The following MAMDC2 variants were observed in gnomAD, a reference collection of about 807,000 sequenced individuals.
MAMDC2 encodes MAM domain containing 2.
Under a neutral mutation model 89.8 loss-of-function variants are expected in MAMDC2, and 57 were observed. The observed-to-expected ratio is 0.63, with a 90% confidence interval of 0.51 to 0.79. MAMDC2 has a LOEUF of 0.79. Ranked by LOEUF, MAMDC2 falls within the 30% of genes least tolerant of loss-of-function variation. MAMDC2 has a pLI of 0.00. For synonymous variants in MAMDC2, 313 were observed against 293.4 expected (o/e 1.07, Z -0.68); for missense variants, 800 against 820.6 (o/e 0.97, Z 0.31).
At chr9:70,172,388 G>A (rs1404518435) in intron 11 of MAMDC2, among the ~76,000 whole-genome samples, 2 of 152,178 alleles carry the variant, frequency 1.3e-5, no homozygotes, top group Non-Finnish European at 2.9e-5. Context: ...AAAATATTTG[G>A]TGCTATTTAA....
At position 70,147,054 on chromosome 9, in the gene MAMDC2, G is replaced by A. The variant is rs2031428216; in HGVS notation, c.1404+3235G>A. On this transcript the variant is annotated intron_variant, in intron 9 of 13. Transcript: ENST00000377182. ...GCATATCACCTGTGGTCAGGAGTTCGAGACCAGCCTGGCCAACATGGTGAA... is the reference window on the plus strand; with the variant it reads ...GCATATCACCTGTGGTCAGGAGTTCAAGACCAGCCTGGCCAACATGGTGAA... Among the ~76,000 whole-genome samples, 8 of 149,858 alleles carry A rather than the reference G, an allele frequency of 5.3e-5. 2 individuals are homozygous for A. Among genetic ancestry groups the A allele is most frequent in the South Asian group, 2.2e-4 (1 of 4,646 alleles).
intron 9 of MAMDC2, among the ~76,000 whole-genome samples, chr9:70,156,704 C>T (rs919870176): frequency 6.6e-6 from 1 of 152,134 alleles, no homozygotes; most frequent in African/African-American, 2.4e-5. Flanking sequence ...GAATAAGGAG[C>T]TAAGTATGGA....
chr9:70,165,965 T>G (rs2032157173), intron 9 of MAMDC2, among the ~76,000 whole-genome samples: 1 of 152,028 alleles, frequency 6.6e-6, no homozygotes, highest in Non-Finnish European at 1.5e-5. Flanking sequence ...AAAGGCTGGG[T>G]GAGGTGGCTC....
At chr9:70,133,292 A>C (rs776225995) in intron 7 of MAMDC2, among the ~76,000 whole-genome samples, 1 of 152,228 alleles carries the variant, frequency 6.6e-6, no homozygotes, top group Non-Finnish European at 1.5e-5. Flanking sequence ...AATCACCCAC[A>C]AGTAATGTTC....
At chr9:70,078,972 T>C (rs1827596935) in intron 2 of MAMDC2, among the ~76,000 whole-genome samples, 1 of 152,170 alleles carries the variant, frequency 6.6e-6, no homozygotes, top group Non-Finnish European at 1.5e-5. Flanking sequence ...AAACCCAGCC[T>C]GCTTCAGGTG....
chr9:70,177,062 A>G (rs1397769007), intron 11 of MAMDC2, among the ~76,000 whole-genome samples: 1 of 152,164 alleles, frequency 6.6e-6, no homozygotes. Flanking sequence ...ATTGTTCTCA[A>G]TTTCACAGAC....
chr9:70,198,544 T>A (rs1473616807), intron 11 of MAMDC2, among the ~76,000 whole-genome samples: 2 of 152,096 alleles, frequency 1.3e-5, no homozygotes, highest in Admixed American at 6.6e-5. Context: ...TGTCTTCAAC[T>A]ATTTTCTCCC....
chr9:70,203,343 G>C (rs2033147409), intron 11 of MAMDC2, among the ~76,000 whole-genome samples: 1 of 145,066 alleles, frequency 6.9e-6, no homozygotes, highest in Non-Finnish European at 1.5e-5. Context: ...ATGAAATTCT[G>C]GGTTGAAAAT....
At chr9:70,206,712 G>T (rs186455134) in intron 11 of MAMDC2, among the ~76,000 whole-genome samples, 1 of 152,152 alleles carries the variant, frequency 6.6e-6, no homozygotes, top group East Asian at 1.9e-4. Context: ...CATGTGCCAT[G>T]TTGGTGTGCT....
intron 11 of MAMDC2, chr9:70,194,471 G>A (rs1200217951): frequency 6.6e-6 from 1 of 152,118 alleles, no homozygotes; most frequent in Non-Finnish European, 1.5e-5. Context: ...TGAAGACATA[G>A]CGTTCCTCCC....
chr9:70,203,501 T>C (rs1463762395), intron 11 of MAMDC2, among the ~76,000 whole-genome samples: 3 of 140,086 alleles, frequency 2.1e-5, no homozygotes, highest in Non-Finnish European at 4.7e-5. Flanking sequence ...TTTTCCTCCA[T>C]TTCAACTTTG....
At chr9:70,119,017 A>T (rs1039716085) in intron 5 of MAMDC2, among the ~76,000 whole-genome samples, 4 of 152,124 alleles carry the variant, frequency 2.6e-5, no homozygotes, top group Non-Finnish European at 4.4e-5. Context: ...TTGTGATAGG[A>T]CATCTTTGGA....
At chr9:70,179,523 CAAAA>C (rs745526034) in intron 11 of MAMDC2, among the ~76,000 whole-genome samples, 3 of 90,858 alleles carry the variant, frequency 3.3e-5, no homozygotes, top group African/African-American at 1.2e-4. Flanking sequence ...GACTCCGTCT[CAAAA>C]AAAATAAATA....
intron 2 of MAMDC2, among the ~76,000 whole-genome samples, chr9:70,084,873 A>AGC (rs60202869): frequency 0.11 from 16,751 of 152,112 alleles, 982 homozygotes; most frequent in East Asian, 0.21. Context: ...GTCTGGCAAC[A>AGC]GAGGCCTGAA....
At chr9:70,191,305 G>T (rs779097978) in intron 11 of MAMDC2, among the ~76,000 whole-genome samples, 1 of 151,960 alleles carries the variant, frequency 6.6e-6, no homozygotes, top group South Asian at 2.1e-4. Flanking sequence ...ATTCCTCCCT[G>T]ATTTTTTTGC....
chr9:70,181,948 T>A (rs2032654371), intron 11 of MAMDC2, among the ~76,000 whole-genome samples: 1 of 152,206 alleles, frequency 6.6e-6, no homozygotes, highest in African/African-American at 2.4e-5. Context: ...TCAAAGGGAA[T>A]GCTTCCAGCT....
At position 70,117,505 on chromosome 9, in the gene MAMDC2, T is replaced by C. The variant is rs374521873; in HGVS notation, c.643+4373T>C. Among the ~76,000 whole-genome samples, 8 of 152,260 alleles carry C rather than the reference T, an allele frequency of 5.3e-5. No homozygotes were observed. In the South Asian group the frequency reaches 1.7e-3, roughly 32 times the overall value. On this transcript the variant is annotated intron_variant, in intron 5 of 13. Coordinates refer to ENST00000377182, the MANE Select transcript of MAMDC2 (RefSeq NM_153267.5). ...ATAGCATTAGAAGAAATACCTAATG[T>C]AGATGATGGGTTGATGGGTGCAGCA...
chr9:70,070,030 C>T (rs981005562), intron 2 of MAMDC2, among the ~76,000 whole-genome samples: 2 of 152,132 alleles, frequency 1.3e-5, no homozygotes, highest in Admixed American at 6.6e-5. Context: ...TTGGAAATAG[C>T]GTAGGGTGAG....
At chr9:70,098,478 T>C (rs554265813) in intron 2 of MAMDC2, among the ~76,000 whole-genome samples, 98 of 152,314 alleles carry the variant, frequency 6.4e-4, no homozygotes, top group African/African-American at 2.4e-3. Flanking sequence ...CATGCCCTAA[T>C]TTTAGAAATC....
Sources: gnomAD v4.1 joint callset for allele counts (sites outside exome capture counted in the v4.1 genomes callset) on GRCh38, gnomAD v4.1.1 for gene constraint, MANE v1.5 for transcripts, NCBI Gene and HGNC (gene_info 2026-07-23, HGNC 2026-07-21) for gene names.